The following DCUN1D3 variants were observed in gnomAD, a reference collection of about 807,000 sequenced individuals.
DCUN1D3 encodes the protein DCN1-like protein 3.
Under a neutral mutation model 24.8 loss-of-function variants are expected in DCUN1D3, and 6 were observed. That is an observed-to-expected ratio of 0.24 (90% CI 0.13 to 0.48). DCUN1D3 has a LOEUF of 0.48. Among genes scored for constraint, DCUN1D3 ranks in the 20% least tolerant of loss-of-function variants. The pLI is 0.99. For synonymous variants in DCUN1D3, 120 were observed against 144.9 expected, an observed-to-expected ratio of 0.83 and a Z score of 1.24; for missense variants, 258 against 379.4, an observed-to-expected ratio of 0.68 and a Z score of 2.66.
At chr16:20,877,945 T>TG (rs2081824242) in intron 1 of DCUN1D3, among the ~76,000 whole-genome samples, 1 of 152,196 alleles carries the variant, frequency 6.6e-6, no homozygotes, top group South Asian at 2.1e-4. Flanking sequence ...TACAGGCACA[T>TG]GGTGCCACAC....
At chr16:20,867,972 G>A (rs568815604) in intron 1 of DCUN1D3, among the ~76,000 whole-genome samples, 122 of 152,230 alleles carry the variant, frequency 8.0e-4, no homozygotes, top group Non-Finnish European at 1.6e-3. Context: ...CTGAGTATCT[G>A]CTGTGCCCAA....
At chr16:20,867,848 T>C (rs942345727) in intron 1 of DCUN1D3, among the ~76,000 whole-genome samples, 2 of 152,170 alleles carry the variant, frequency 1.3e-5, no homozygotes, top group African/African-American at 4.8e-5. Flanking sequence ...CCAAAACCGA[T>C]TATCTTGCCA....
At chr16:20,861,173 T>A (rs2081730411) in intron 2 of DCUN1D3, among the ~76,000 whole-genome samples, 1 of 152,204 alleles carries the variant, frequency 6.6e-6, no homozygotes, top group Non-Finnish European at 1.5e-5. Flanking sequence ...CAACTGACCT[T>A]ATTATACACA....
chr16:20,870,086 G>A (rs894903901), intron 1 of DCUN1D3, among the ~76,000 whole-genome samples: 2 of 152,138 alleles, frequency 1.3e-5, no homozygotes, highest in South Asian at 2.1e-4. Context: ...GTGCACTCTC[G>A]AGCAAGCCAC....
chr16:20,883,128 G>A (rs1387801810), intron 1 of DCUN1D3, among the ~76,000 whole-genome samples: 1 of 152,244 alleles, frequency 6.6e-6, no homozygotes, highest in African/African-American at 2.4e-5. Context: ...TTTCCTTTGG[G>A]CCTCATGTCA....
chr16:20,876,346 G>A (rs1233277442), intron 1 of DCUN1D3, among the ~76,000 whole-genome samples: 10 of 149,518 alleles, frequency 6.7e-5, no homozygotes, highest in African/African-American at 2.2e-4. Context: ...GCAGGTATAC[G>A]AAAAAATGCT....
chr16:20,896,558 A>G lies in DCUN1D3; in HGVS notation c.-106+3646T>C, dbSNP rs531640075. Among the ~76,000 whole-genome samples, 8 of 151,688 alleles carry G rather than the reference A, an allele frequency of 5.3e-5. No homozygotes were observed. In the East Asian group the frequency reaches 1.4e-3, roughly 26 times the overall value. ...CCCTCCTACCCACCCGCCCCCTTTC[A>G]AAAATTAGAAAAGAGCCACCAGTCT... On this transcript the variant is annotated intron_variant, in intron 1 of 2. Coordinates refer to ENST00000324344, the MANE Select transcript of DCUN1D3 (RefSeq NM_173475.4).
chr16:20,900,337 T>C lies in DCUN1D3; in HGVS notation c.-239A>G, dbSNP rs1161447516. 7.1e-6 allele frequency: 1 copy of C among 141,342 alleles called. No individual in the cohort carries two copies. 8.8% of individuals were successfully genotyped at this position (141,342 alleles called of 1,614,324 possible). ...CCGCCGCCGCCTCTTCTTCCACCAC[T>C]GCCACCGCCTCCTCTTCATCTGCGG... is the stretch of plus-strand genomic sequence containing the variant. On this transcript the variant is annotated 5_prime_UTR_variant, in exon 1 of 3. Coordinates refer to ENST00000324344, the MANE Select transcript of DCUN1D3 (RefSeq NM_173475.4).
chr16:20,878,717 G>A (rs2081828193), intron 1 of DCUN1D3, among the ~76,000 whole-genome samples: 1 of 152,212 alleles, frequency 6.6e-6, no homozygotes, highest in African/African-American at 2.4e-5. Flanking sequence ...TACACCTCTT[G>A]AGATGTTATA....
In DCUN1D3 at chr16:20,900,189, C is replaced by A. The variant is rs1231333356; in HGVS notation, c.-106+15G>T. On this transcript the variant is annotated intron_variant, in intron 1 of 2. Coordinates refer to ENST00000324344, the MANE Select transcript of DCUN1D3 (RefSeq NM_173475.4). ...CCCCGCCTTTTCCTCAACTCCCCCC[C>A]TCCCCAAAACTCACAGCTGCTCCAG... 2 of 142,718 alleles carry A rather than the reference C, an allele frequency of 1.4e-5. No homozygotes were observed. Among genetic ancestry groups the A allele is most frequent in the Non-Finnish European group, 3.1e-5 (2 of 65,338 alleles). 8.8% of individuals were successfully genotyped at this position (142,718 alleles called of 1,614,324 possible).
intron 1 of DCUN1D3, among the ~76,000 whole-genome samples, chr16:20,864,348 C>G (rs1352904002): frequency 6.6e-6 from 1 of 151,944 alleles, no homozygotes; most frequent in African/African-American, 2.4e-5. Context: ...AGACACTTCT[C>G]AAAAGAAGAC....
chr16:20,890,614 G>A (rs563777457), intron 1 of DCUN1D3, among the ~76,000 whole-genome samples: 36 of 152,254 alleles, frequency 2.4e-4, no homozygotes, highest in African/African-American at 5.8e-4. Flanking sequence ...GGGCGACAGG[G>A]CAAGACCCTG....
intron 1 of DCUN1D3, 106 bp downstream of exon 1, chr16:20,900,097 CA>C: frequency 4.6e-5 from 7 of 152,180 alleles, no homozygotes; most frequent in Admixed American, 4.6e-4. Flanking sequence ...CGCTGACTTC[CA>C]CTCCTCCCTT....
At chr16:20,889,454 C>T (rs1270564440) in intron 1 of DCUN1D3, among the ~76,000 whole-genome samples, 1 of 151,906 alleles carries the variant, frequency 6.6e-6, no homozygotes, top group Non-Finnish European at 1.5e-5. Flanking sequence ...AAGTCTAGAC[C>T]TAATGCACCT....
chr16:20,885,125 G>A (rs1291597203), intron 1 of DCUN1D3, among the ~76,000 whole-genome samples: 4 of 151,768 alleles, frequency 2.6e-5, no homozygotes, highest in South Asian at 4.2e-4. Context: ...ACGGGCACCC[G>A]CCACCATACT....
intron 1 of DCUN1D3, among the ~76,000 whole-genome samples, chr16:20,882,579 T>C (rs2081849979): frequency 6.6e-6 from 1 of 152,206 alleles, no homozygotes; most frequent in African/African-American, 2.4e-5. Flanking sequence ...CTGCTATTTT[T>C]ACAGCACTGG....
intron 1 of DCUN1D3, among the ~76,000 whole-genome samples, chr16:20,866,849 C>G (rs941825509): frequency 2.0e-5 from 3 of 152,156 alleles, no homozygotes; most frequent in Non-Finnish European, 2.9e-5. Context: ...CTGATTACTG[C>G]CCAGTGGTCT....
chr16:20,891,125 C>T (rs2081890430), intron 1 of DCUN1D3, among the ~76,000 whole-genome samples: 1 of 151,988 alleles, frequency 6.6e-6, no homozygotes, highest in Non-Finnish European at 1.5e-5. Flanking sequence ...TCCCGAATAG[C>T]TACGATTACA....
intron 1 of DCUN1D3, among the ~76,000 whole-genome samples, chr16:20,883,413 T>C (rs1228729951): frequency 6.6e-6 from 1 of 151,892 alleles, no homozygotes; most frequent in Non-Finnish European, 1.5e-5. Flanking sequence ...CTAGGGAGGC[T>C]GGGGCAGGAG....
Sources: allele counts gnomAD v4.1 joint callset (sites outside exome capture counted in the v4.1 genomes callset), GRCh38; gene constraint gnomAD v4.1.1; transcripts MANE v1.5; gene names NCBI Gene and HGNC (gene_info 2026-07-23, HGNC 2026-07-21).